The following HS6ST2 variants were observed in gnomAD, a reference collection of about 807,000 sequenced individuals.
HS6ST2 encodes the protein heparan sulfate 6-O-sulfotransferase 2.
HS6ST2 carries 17 observed loss-of-function variants against 33.0 expected under a neutral mutation model. The ratio of observed to expected loss-of-function variants is 0.52; its 90% CI spans 0.35 to 0.77. The LOEUF (loss-of-function observed/expected upper bound fraction) is 0.77, where lower values mean the gene tolerates loss of function less well. Among genes scored for constraint, HS6ST2 ranks in the 30% least tolerant of loss-of-function variants. The pLI is 0.01. For synonymous variants in HS6ST2, 248 were observed against 237.1 expected (o/e 1.05, Z -0.42); for missense variants, 519 against 551.7 (o/e 0.94, Z 0.59).
chrX:132,737,736 C>G (rs1405766927), intron 2 of HS6ST2, among the ~76,000 whole-genome samples: 1 of 112,693 alleles, frequency 8.9e-6, no homozygotes, highest in Admixed American at 9.3e-5. Flanking sequence ...TTTGGCATTT[C>G]TCTAGTTAGA....
chrX:132,798,212 C>T (rs1165094138), intron 2 of HS6ST2, among the ~76,000 whole-genome samples: 1 of 110,077 alleles, frequency 9.1e-6, no homozygotes, highest in Admixed American at 9.7e-5. Flanking sequence ...TGTTTGGAAC[C>T]TCAGAAGGAT....
intron 2 of HS6ST2, among the ~76,000 whole-genome samples, chrX:132,891,747 G>A (rs1266194252): frequency 5.4e-5 from 6 of 111,627 alleles, no homozygotes; most frequent in African/African-American, 1.6e-4. Context: ...AGTATTCCAC[G>A]GTGTATATGT....
At chrX:132,727,866 C>T (rs892961124) in intron 2 of HS6ST2, among the ~76,000 whole-genome samples, 3 of 111,582 alleles carry the variant, frequency 2.7e-5, no homozygotes, top group African/African-American at 9.8e-5. Context: ...GTGGATTATT[C>T]ATATAAATGG....
At chrX:132,757,638 A>G (rs1381761140) in intron 2 of HS6ST2, among the ~76,000 whole-genome samples, 1 of 110,704 alleles carries the variant, frequency 9.0e-6, no homozygotes, top group African/African-American at 3.3e-5. Context: ...ACCCCCACCC[A>G]CCACGTGCAA....
At chrX:132,794,577 T>G (rs5933197) in intron 2 of HS6ST2, among the ~76,000 whole-genome samples, 8,601 of 76,686 alleles carry the variant, frequency 0.11, 442 homozygotes, top group East Asian at 0.17. Context: ...TGATGATGAT[T>G]ATTATTATTA....
rs2148385397 is a variant in HS6ST2 at position 132,828,687 on chromosome X, T to TAC, written c.948-120194_948-120193insGT. On this transcript the variant is annotated intron_variant, in intron 2 of 4. Coordinates refer to ENST00000370833, the MANE Select transcript of HS6ST2 (RefSeq NM_001394073.1). ...ATGGAAATATCATATTTTATATATA[T>TAC]ATATATACACACACACACACACACA... Among the ~76,000 whole-genome samples the TAC allele has an allele frequency of 1.3e-4, 7 of 52,620 alleles. No homozygotes were observed. In the South Asian group the frequency reaches 7.3e-3, roughly 55 times the overall value. The allele number at this position is 52,620 out of a possible 115,157, so 45.7% of individuals were successfully genotyped here.
intron 2 of HS6ST2, among the ~76,000 whole-genome samples, chrX:132,914,265 T>C (rs1320648287): frequency 5.3e-5 from 6 of 112,340 alleles, no homozygotes; most frequent in East Asian, 2.8e-4. Context: ...TATTATATCA[T>C]CATTTTATTA....
At chrX:132,794,552 C>A (rs1490263415) in intron 2 of HS6ST2, among the ~76,000 whole-genome samples, 1 of 89,332 alleles carries the variant, frequency 1.1e-5, no homozygotes, top group East Asian at 3.4e-4. Flanking sequence ...TTTCACCACT[C>A]CTGGATGATG....
chrX:132,661,903 G>A (rs764297103), intron 4 of HS6ST2, among the ~76,000 whole-genome samples: 6 of 110,510 alleles, frequency 5.4e-5, no homozygotes, highest in South Asian at 3.9e-4. Context: ...TGTGCCAGTC[G>A]TATCAGTTAC....
intron 2 of HS6ST2, among the ~76,000 whole-genome samples, chrX:132,812,446 A>ATAAAAT (rs1556452678): frequency 1.3e-5 from 1 of 77,952 alleles, no homozygotes; most frequent in Non-Finnish European, 2.7e-5. Context: ...AATAATAATA[A>ATAAAAT]AATAATAATA....
intron 2 of HS6ST2, among the ~76,000 whole-genome samples, chrX:132,772,341 T>C (rs995718190): frequency 3.6e-5 from 4 of 110,575 alleles, no homozygotes; most frequent in African/African-American, 1.3e-4. Context: ...TAAAAAGTGC[T>C]AACATCTGGT....
chrX:132,712,790 C>T (rs973474978), intron 2 of HS6ST2, among the ~76,000 whole-genome samples: 2 of 111,463 alleles, frequency 1.8e-5, no homozygotes, highest in Non-Finnish European at 3.8e-5. Context: ...CTTTGGGAGG[C>T]GGAGCAGATG....
chrX:132,901,485 C>T (rs899952354), intron 2 of HS6ST2, among the ~76,000 whole-genome samples: 1 of 111,223 alleles, frequency 9.0e-6, no homozygotes, highest in Non-Finnish European at 1.9e-5. Context: ...AGACAGCAAG[C>T]AAAGAGTTTA....
In HS6ST2 at chrX:132,628,209, C is replaced by A. The variant is rs751632326; in HGVS notation, c.*14G>T. On this transcript the variant is annotated 3_prime_UTR_variant, in exon 5 of 5. Transcript: ENST00000370833. ...GCGCTTTGGGAGAAGTATGTACAGG[C>A]CTTTTTGAGCCATTTAACGCCATTT... 1.6e-5 allele frequency: 18 copies of A among 1,098,938 alleles called. No homozygotes were observed. The highest frequency in any genetic ancestry group is 3.3e-5 in the East Asian group (1 of 30,310). The allele number at this position is 1,098,938 out of a possible 1,213,427, so 90.6% of individuals were successfully genotyped here. A position where few individuals can be genotyped will look rare whatever the true frequency, so the allele number is the denominator to read the frequency against.
At position 132,734,954 on chromosome X, in the gene HS6ST2, T is replaced by C. The variant is rs780562738; in HGVS notation, c.948-26460A>G. On this transcript the variant is annotated intron_variant, in intron 2 of 4. Coordinates refer to ENST00000370833, the MANE Select transcript of HS6ST2 (RefSeq NM_001394073.1). ...ATCAGTACAGCTACAATGGGATGTG[T>C]CTTTTCCAGAAAGAAAGTTGGTGGG... is the stretch of plus-strand genomic sequence containing the variant. The C allele has an allele frequency of 2.7e-5, 3 of 109,372 alleles. No individual in the cohort carries two copies. The South Asian group carries it at 1.2e-3, about 45-fold the overall frequency. 9.0% of individuals were successfully genotyped at this position (109,372 alleles called of 1,213,427 possible).
rs773774348 is a variant in HS6ST2 at position 132,869,655 on chromosome X, A to G, written c.947+87153T>C. Among the ~76,000 whole-genome samples, 7 of 112,260 alleles carry G rather than the reference A, an allele frequency of 6.2e-5. No homozygotes were observed. In the East Asian group the frequency reaches 2.0e-3, roughly 31 times the overall value. ...GTAATCCATCACAAAAAGAGAACCA[A>G]TGACAAAAACCACATGATTATCTCA... On this transcript the variant is annotated intron_variant, in intron 2 of 4. Transcript: ENST00000370833.
At chrX:132,881,646 A>T (rs907715108) in intron 2 of HS6ST2, among the ~76,000 whole-genome samples, 1 of 111,567 alleles carries the variant, frequency 9.0e-6, no homozygotes, top group Non-Finnish European at 1.9e-5. Flanking sequence ...CCATTTGTCA[A>T]TTTTGGCTTT....
At chrX:132,741,547 G>T (rs1235395235) in intron 2 of HS6ST2, among the ~76,000 whole-genome samples, 1 of 111,180 alleles carries the variant, frequency 9.0e-6, no homozygotes, top group Non-Finnish European at 1.9e-5. Context: ...ATCCCAAAGT[G>T]CTGGGATTAC....
chrX:132,770,461 G>A, intron 2 of HS6ST2, among the ~76,000 whole-genome samples: 1 of 111,979 alleles, frequency 8.9e-6, no homozygotes, highest in East Asian at 2.8e-4. Flanking sequence ...CCTCTCTGAG[G>A]TTATGCCAAC....
Sources: allele counts gnomAD v4.1 joint callset (sites outside exome capture counted in the v4.1 genomes callset), GRCh38; gene constraint gnomAD v4.1.1; transcripts MANE v1.5; gene names NCBI Gene and HGNC (gene_info 2026-07-23, HGNC 2026-07-21).